SETD7: variants seen among roughly 807,000 people sequenced by gnomAD.
SETD7 encodes histone-lysine N-methyltransferase SETD7.
SETD7 carries 16 observed loss-of-function variants against 41.8 expected under a neutral mutation model. The observed-to-expected ratio is 0.38, with a 90% confidence interval of 0.26 to 0.58. The LOEUF is 0.58. Among genes scored for constraint, SETD7 ranks in the 20% least tolerant of loss-of-function variants. SETD7 has a pLI of 0.64. For missense variants in SETD7, 346 were observed against 459.7 expected (o/e 0.75, Z 2.26); for synonymous variants, 163 against 169.7 (o/e 0.96, Z 0.31).
intron 4 of SETD7, among the ~76,000 whole-genome samples, chr4:139,524,794 C>T (rs891741146): frequency 2.0e-5 from 3 of 152,106 alleles, no homozygotes; most frequent in South Asian, 2.1e-4. Context: ...AAGCAATCCA[C>T]GAAAAGCATT....
At chr4:139,533,054 G>T in intron 3 of SETD7, 111 bp downstream of exon 3, 4 of 888,760 alleles carry the variant, frequency 4.5e-6, no homozygotes, top group Middle Eastern at 2.3e-4. Context: ...CAGCTGTGGT[G>T]ACTCTCAGGT....
intron 2 of SETD7, among the ~76,000 whole-genome samples, chr4:139,540,030 A>ACT (rs1727740941): frequency 6.6e-6 from 1 of 151,976 alleles, no homozygotes. Flanking sequence ...AAACTAAGAC[A>ACT]CTCTCCTAAT....
chr4:139,495,261 C>T (rs1726432523), downstream of SETD7, among the ~76,000 whole-genome samples: 2 of 152,182 alleles, frequency 1.3e-5, no homozygotes, highest in Admixed American at 6.5e-5. Context: ...AAGGCAACCA[C>T]AAGCTGATGG....
Position 139,520,402 on chromosome 4 carries a change from G to GA in SETD7, c.645-9dup. On this transcript the variant is annotated splice_polypyrimidine_tract_variant and intron_variant, in intron 5 of 7. Transcript: ENST00000274031. Reference sequence around the variant, plus strand: ...GATTCAGCAACATAAACCCTAAATTGAAAAAAGAGTTGAATAGTGACCTTT... The same window carrying GA: ...GATTCAGCAACATAAACCCTAAATTGAAAAAAAGAGTTGAATAGTGACCTTT... 1 of 1,537,098 alleles carries GA rather than the reference G, an allele frequency of 6.5e-7. No individual in the cohort carries two copies. Among genetic ancestry groups the GA allele is most frequent in the Admixed American group, 1.9e-5 (1 of 53,316 alleles).
chr4:139,524,267 C>T (rs1244774263), intron 4 of SETD7, among the ~76,000 whole-genome samples: 4 of 152,146 alleles, frequency 2.6e-5, no homozygotes, highest in African/African-American at 9.7e-5. Flanking sequence ...CCAATGAATA[C>T]CTGAAACTAA....
intron 4 of SETD7, among the ~76,000 whole-genome samples, chr4:139,525,822 T>A (rs1727311828): frequency 6.6e-6 from 1 of 152,138 alleles, no homozygotes; most frequent in Admixed American, 6.6e-5. Flanking sequence ...AGAGGAGAGA[T>A]ACAAACATGG....
At position 139,509,769 on chromosome 4, in the gene SETD7, G is replaced by A. The variant is rs1338166016; in HGVS notation, c.*1894C>T. Reference sequence around the variant, plus strand: ...AACGGTCTCTTTCTACAGAGTAAGAGTGACCCTATCCTGGTGCCTTTAAAT... The same window carrying A: ...AACGGTCTCTTTCTACAGAGTAAGAATGACCCTATCCTGGTGCCTTTAAAT... On this transcript the variant is annotated 3_prime_UTR_variant, in exon 8 of 8. Coordinates refer to ENST00000274031, the MANE Select transcript of SETD7 (RefSeq NM_030648.4). The A allele has an allele frequency of 4.1e-6, 4 of 985,372 alleles. No individual in the cohort carries two copies. Among genetic ancestry groups the A allele is most frequent in the African/African-American group, 3.5e-5 (2 of 57,250 alleles). 61.0% of individuals were successfully genotyped at this position (985,372 alleles called of 1,614,324 possible). A position where few individuals can be genotyped will look rare whatever the true frequency, so the allele number is the denominator to read the frequency against.
intron 4 of SETD7, among the ~76,000 whole-genome samples, chr4:139,525,930 A>G (rs17346734): frequency 0.14 from 20,883 of 152,186 alleles, 1,567 homozygotes; most frequent in Middle Eastern, 0.18. Flanking sequence ...CAACATTTCA[A>G]AACACCTGAG....
chr4:139,540,961 A>G lies in SETD7; in HGVS notation c.170+5959T>C, dbSNP rs73856579. 4.2e-3 allele frequency among the ~76,000 whole-genome samples: 639 copies of G among 152,332 alleles called. 6 individuals carry two copies. The highest frequency in any genetic ancestry group is 0.014 in the African/African-American group (602 of 41,574). On this transcript the variant is annotated intron_variant, in intron 2 of 7. Coordinates refer to ENST00000274031, the MANE Select transcript of SETD7 (RefSeq NM_030648.4). ...CACCTGGAGAATGCCATCCTTTCTC[A>G]GTGGCTCATCAGACGGGTGACCTTG... is the stretch of plus-strand genomic sequence containing the variant.
downstream of SETD7, among the ~76,000 whole-genome samples, chr4:139,493,741 T>C (rs912942842): frequency 3.3e-5 from 5 of 152,252 alleles, no homozygotes; most frequent in East Asian, 7.7e-4. Context: ...GGTTTTGCTA[T>C]GTTTCCCAGG....
chr4:139,531,028 C>T (rs1292169721), intron 3 of SETD7, among the ~76,000 whole-genome samples: 1 of 151,886 alleles, frequency 6.6e-6, no homozygotes, highest in Admixed American at 6.6e-5. Context: ...GGCTCCTCCT[C>T]GTGGGGGGAG....
At chr4:139,543,765 A>G (rs1389679920) in intron 2 of SETD7, among the ~76,000 whole-genome samples, 1 of 148,954 alleles carries the variant, frequency 6.7e-6, no homozygotes, top group Admixed American at 6.8e-5. Context: ...ATCCTGGCTA[A>G]CAAGGTGAAA....
chr4:139,548,217 TA>T (rs1192341153), intron 1 of SETD7: 5 of 152,166 alleles, frequency 3.3e-5, no homozygotes, highest in Non-Finnish European at 7.3e-5. Context: ...CTCACAGACA[TA>T]AAAGGCAACA....
At chr4:139,504,854 C>T (rs1726663494), downstream of SETD7, among the ~76,000 whole-genome samples, 1 of 152,176 alleles carries the variant, frequency 6.6e-6, no homozygotes, top group South Asian at 2.1e-4. Flanking sequence ...CTTTCACTTT[C>T]AAGGTTAGCT....
chr4:139,530,342 A>G (rs1233805313), intron 3 of SETD7, among the ~76,000 whole-genome samples: 1 of 136,306 alleles, frequency 7.3e-6, no homozygotes, highest in African/African-American at 2.7e-5. Flanking sequence ...CTTTTGAGTG[A>G]TCCCAAATGC....
Position 139,529,117 on chromosome 4 carries a change from A to T in SETD7, c.476T>A (p.Phe159Tyr), listed in dbSNP as rs1197536788. ...PDERTALYGK[F>Y]IDGEMIEGKL... ...GCCTTCTATCATCTCTCCATCAATAAATTTCCCATAAAGTGCGGTCCTCTC... is the reference window on the plus strand; with the variant it reads ...GCCTTCTATCATCTCTCCATCAATATATTTCCCATAAAGTGCGGTCCTCTC... The change falls in exon 4 of 8, where the codon TTT becomes TAT. Residue 159 changes from phenylalanine to tyrosine, a missense_variant. Coordinates refer to ENST00000274031, the MANE Select transcript of SETD7 (RefSeq NM_030648.4). 1 of 1,613,860 alleles carries T rather than the reference A, an allele frequency of 6.2e-7. No homozygotes were observed. Among genetic ancestry groups the T allele is most frequent in the Non-Finnish European group, 8.5e-7 (1 of 1,179,946 alleles).
In SETD7 at chr4:139,510,094, G is replaced by A. The variant is rs1467117562; in HGVS notation, c.*1569C>T. ...AGCAATGTGCAACTGACAAGAAATAGCAAACTTCCTTCTGCCTATGTCCTC... is the reference window on the plus strand; with the variant it reads ...AGCAATGTGCAACTGACAAGAAATAACAAACTTCCTTCTGCCTATGTCCTC... On this transcript the variant is annotated 3_prime_UTR_variant, in exon 8 of 8. Coordinates refer to ENST00000274031, the MANE Select transcript of SETD7 (RefSeq NM_030648.4). 2 of 154,050 alleles carry A rather than the reference G, an allele frequency of 1.3e-5. No individual in the cohort carries two copies. The highest frequency in any genetic ancestry group is 4.8e-5 in the African/African-American group (2 of 41,494). 9.5% of individuals were successfully genotyped at this position (154,050 alleles called of 1,614,324 possible). A position where few individuals can be genotyped will look rare whatever the true frequency, so the allele number is the denominator to read the frequency against.
chr4:139,551,000 C>G lies in SETD7; in HGVS notation c.41-3951G>C, dbSNP rs73856581. Reference sequence around the variant, plus strand: ...GACACTGGCAAACTAGTTGAACACACTCTTCCTTGGTGATGGTAAGAAGGT... The same window carrying G: ...GACACTGGCAAACTAGTTGAACACAGTCTTCCTTGGTGATGGTAAGAAGGT... On this transcript the variant is annotated intron_variant, in intron 1 of 7. Coordinates refer to ENST00000274031, the MANE Select transcript of SETD7 (RefSeq NM_030648.4). 6.8e-3 allele frequency among the ~76,000 whole-genome samples: 1,034 copies of G among 152,338 alleles called. 15 individuals are homozygous for G. Among genetic ancestry groups the G allele is most frequent in the African/African-American group, 0.023 (965 of 41,582 alleles).
chr4:139,523,985 A>T (rs1250749547), intron 4 of SETD7, among the ~76,000 whole-genome samples: 7 of 152,216 alleles, frequency 4.6e-5, no homozygotes, highest in South Asian at 2.1e-4. Context: ...TCTAGAAATC[A>T]AGGCACACAA....
Sources: gnomAD v4.1 joint callset for allele counts (sites outside exome capture counted in the v4.1 genomes callset) on GRCh38, gnomAD v4.1.1 for gene constraint, MANE v1.5 for transcripts, NCBI Gene and HGNC (gene_info 2026-07-23, HGNC 2026-07-21) for gene names.